The following CLSTN2 variants were observed in gnomAD, a reference collection of about 807,000 sequenced individuals.
CLSTN2 encodes calsyntenin 2, also known as calsyntenin-2.
Under a neutral mutation model 101.2 loss-of-function variants are expected in CLSTN2, and 48 were observed. The observed-to-expected ratio is 0.47, with a 90% CI of 0.38 to 0.60. The LOEUF (loss-of-function observed/expected upper bound fraction) is 0.60. CLSTN2 is among the 20% of genes least tolerant of loss of function. The pLI, the probability that CLSTN2 is intolerant of heterozygous loss-of-function variation, is 0.00. For missense variants in CLSTN2, 1,160 were observed against 1,238.2 expected (o/e 0.94, Z 0.95); for synonymous variants, 481 against 463.6 (o/e 1.04, Z -0.48).
At chr3:139,982,871 A>G (rs989926518) in intron 1 of CLSTN2, among the ~76,000 whole-genome samples, 37 of 152,014 alleles carry the variant, frequency 2.4e-4, no homozygotes, top group African/African-American at 8.9e-4. Context: ...CAGACTATAT[A>G]TAGAGAGAGA....
Position 140,087,451 on chromosome 3 carries a change from C to T in CLSTN2, c.110-88500C>T, listed in dbSNP as rs562875521. ...CCTGTTATTAATAGCTATTTCTCAGCATTCTGCATTGGAAGGGCTCAGCTT... is the reference window on the plus strand; with the variant it reads ...CCTGTTATTAATAGCTATTTCTCAGTATTCTGCATTGGAAGGGCTCAGCTT... On this transcript the variant is annotated intron_variant, in intron 1 of 16. Coordinates refer to ENST00000458420, the MANE Select transcript of CLSTN2 (RefSeq NM_022131.3). 1.4e-4 allele frequency among the ~76,000 whole-genome samples: 21 copies of T among 152,272 alleles called. No homozygotes were observed. In the South Asian group the frequency reaches 4.4e-3, roughly 32 times the overall value.
chr3:140,043,899 C>A (rs2007813629), intron 1 of CLSTN2, among the ~76,000 whole-genome samples: 1 of 152,142 alleles, frequency 6.6e-6, no homozygotes, highest in Non-Finnish European at 1.5e-5. Context: ...TGTTTTGGTA[C>A]CAGTACCATG....
intron 2 of CLSTN2, among the ~76,000 whole-genome samples, chr3:140,211,415 C>CACACAA (rs1559807604): frequency 1.3e-5 from 2 of 148,424 alleles, no homozygotes; most frequent in African/African-American, 5.0e-5. Flanking sequence ...CACACACACA[C>CACACAA]ACACACACAC....
chr3:140,369,477 A>G (rs2107956153), intron 2 of CLSTN2, among the ~76,000 whole-genome samples: 1 of 152,358 alleles, frequency 6.6e-6, no homozygotes, highest in African/African-American at 2.4e-5. Context: ...GATTTATCAC[A>G]GAAGGTCTTG....
At chr3:140,068,546 A>G (rs2008338557) in intron 1 of CLSTN2, among the ~76,000 whole-genome samples, 1 of 152,226 alleles carries the variant, frequency 6.6e-6, no homozygotes, top group Admixed American at 6.5e-5. Context: ...TTTCCACTAA[A>G]GAACAATGTC....
intron 1 of CLSTN2, among the ~76,000 whole-genome samples, chr3:140,100,948 C>T (rs560895002): frequency 6.6e-6 from 1 of 152,082 alleles, no homozygotes; most frequent in African/African-American, 2.4e-5. Context: ...TTGTTGCTGT[C>T]CCTTGTAATT....
At chr3:140,008,425 A>G (rs1834497) in intron 1 of CLSTN2, among the ~76,000 whole-genome samples, 86,680 of 152,144 alleles carry the variant, frequency 0.57, 25,718 homozygotes, top group East Asian at 0.79. Context: ...CACCTTCCAT[A>G]CTGGGCTGAG....
chr3:140,527,765 TG>T (rs1292948824), intron 8 of CLSTN2, among the ~76,000 whole-genome samples: 1 of 152,166 alleles, frequency 6.6e-6, no homozygotes, highest in African/African-American at 2.4e-5. Flanking sequence ...ATGTCCTTTG[TG>T]GCAACATAGA....
At chr3:140,536,270 G>A (rs1935357719) in intron 9 of CLSTN2, among the ~76,000 whole-genome samples, 1 of 151,962 alleles carries the variant, frequency 6.6e-6, no homozygotes, top group Admixed American at 6.6e-5. Flanking sequence ...GTAAGGACTA[G>A]ATGCTAGGCA....
intron 1 of CLSTN2, among the ~76,000 whole-genome samples, chr3:140,093,767 T>A (rs953085494): frequency 6.6e-6 from 1 of 152,258 alleles, no homozygotes; most frequent in Non-Finnish European, 1.5e-5. Context: ...TTTATAGGTA[T>A]GTATTTAACT....
chr3:139,977,378 C>T (rs551252988), intron 1 of CLSTN2, among the ~76,000 whole-genome samples: 99 of 152,286 alleles, frequency 6.5e-4, no homozygotes, highest in African/African-American at 2.2e-3. Context: ...CCCTCTTTGG[C>T]TGGCATCCCT....
chr3:140,007,780 A>G (rs562087417), intron 1 of CLSTN2, among the ~76,000 whole-genome samples: 5 of 152,286 alleles, frequency 3.3e-5, no homozygotes, highest in East Asian at 1.9e-4. Context: ...GAGACTGTAC[A>G]TCATGTTAAC....
At chr3:140,017,430 C>T (rs1003878702) in intron 1 of CLSTN2, among the ~76,000 whole-genome samples, 5 of 152,166 alleles carry the variant, frequency 3.3e-5, no homozygotes, top group African/African-American at 1.2e-4. Context: ...AAAGGCTGGA[C>T]CTGGATATAG....
chr3:140,129,725 G>A (rs1274682720), intron 1 of CLSTN2, among the ~76,000 whole-genome samples: 1 of 152,184 alleles, frequency 6.6e-6, no homozygotes, highest in Non-Finnish European at 1.5e-5. Context: ...GGGAGCTAGT[G>A]TTCTTGAACT....
At chr3:140,479,378 C>T (rs1279796539) in intron 8 of CLSTN2, among the ~76,000 whole-genome samples, 2 of 151,038 alleles carry the variant, frequency 1.3e-5, no homozygotes, top group African/African-American at 5.0e-5. Flanking sequence ...AGTAATTTAA[C>T]AAAAATCAAC....
chr3:140,053,911 G>C (rs2008049446), intron 1 of CLSTN2, among the ~76,000 whole-genome samples: 2 of 152,142 alleles, frequency 1.3e-5, no homozygotes, highest in Admixed American at 1.3e-4. Context: ...AGCCCCTTTT[G>C]GTGTTTGAAT....
intron 10 of CLSTN2, 110 bp from the exon 11 acceptor site, chr3:140,556,403 T>C (rs1576625526): frequency 3.2e-6 from 3 of 941,510 alleles, no homozygotes; most frequent in South Asian, 2.9e-5. Context: ...GCAGATGCTC[T>C]AGAGGTGTTT....
At chr3:140,529,459 C>T (rs1935211586) in intron 8 of CLSTN2, among the ~76,000 whole-genome samples, 1 of 152,220 alleles carries the variant, frequency 6.6e-6, no homozygotes, top group Non-Finnish European at 1.5e-5. Flanking sequence ...GTTCTTCTCT[C>T]CCCCAAGGAA....
intron 1 of CLSTN2, among the ~76,000 whole-genome samples, chr3:139,977,948 T>A (rs944850838): frequency 6.6e-6 from 1 of 152,168 alleles, no homozygotes; most frequent in Non-Finnish European, 1.5e-5. Context: ...CTGTGATGCA[T>A]GATGACATGA....
Sources: allele counts gnomAD v4.1 joint callset (sites outside exome capture counted in the v4.1 genomes callset), GRCh38; gene constraint gnomAD v4.1.1; transcripts MANE v1.5; gene names NCBI Gene and HGNC (gene_info 2026-07-23, HGNC 2026-07-21).